ZFHX3: variants seen among roughly 807,000 people sequenced by gnomAD.
ZFHX3 encodes zinc finger homeobox protein 3.
A neutral mutation model predicts 279.1 loss-of-function variants in ZFHX3; 42 were observed. The observed-to-expected ratio is 0.15, with a 90% CI of 0.12 to 0.19. The LOEUF (loss-of-function observed/expected upper bound fraction) is 0.19. Ranked by LOEUF, ZFHX3 falls within the 10% of genes least tolerant of loss-of-function variation. The pLI, the probability that ZFHX3 is intolerant of heterozygous loss-of-function variation, is 1.00. For missense variants in ZFHX3, 4,981 were observed against 4,754.0 expected (o/e 1.05, Z -1.40); for synonymous variants, 2,293 against 1,957.8 (o/e 1.17, Z -4.52).
intron 4 of ZFHX3, 99 bp from the exon 5 acceptor site, chr16:72,829,958 C>A: frequency 8.2e-7 from 1 of 1,212,896 alleles, no homozygotes; most frequent in Non-Finnish European, 1.2e-6. Flanking sequence ...GAACAGACAC[C>A]AATGACTCGT....
At chr16:73,313,974 C>T (rs776875500) in intron 4 of ZFHX3, among the ~76,000 whole-genome samples, 4 of 152,092 alleles carry the variant, frequency 2.6e-5, no homozygotes, top group Non-Finnish European at 2.9e-5. Flanking sequence ...TGGCACACAC[C>T]TGTAGTCCCA....
At chr16:73,387,849 G>T (rs1467843199) in intron 3 of ZFHX3, among the ~76,000 whole-genome samples, 2 of 151,956 alleles carry the variant, frequency 1.3e-5, no homozygotes, top group African/African-American at 4.8e-5. Context: ...ACTTCCATAT[G>T]TCAGAGATCA....
intron 5 of ZFHX3, among the ~76,000 whole-genome samples, chr16:73,241,790 C>CAAAA (rs60214410): frequency 0.012 from 627 of 51,244 alleles, 33 homozygotes; most frequent in African/African-American, 0.047. Flanking sequence ...AACTCCGTCT[C>CAAAA]AAAAAAAAAA....
intron 7 of ZFHX3, chr16:73,127,294 A>C: frequency 7.9e-7 from 1 of 1,267,336 alleles, no homozygotes; most frequent in South Asian, 1.3e-5. Context: ...CAGGCAGAGA[A>C]GAGGGAAGAA....
chr16:72,853,103 T>C (rs1002796849), intron 4 of ZFHX3, among the ~76,000 whole-genome samples: 3 of 152,232 alleles, frequency 2.0e-5, no homozygotes, highest in Admixed American at 1.3e-4. Flanking sequence ...ACCTGAGGGA[T>C]GACAAGGTTG....
In ZFHX3 at chr16:72,787,715, C is replaced by CGCCACCGCCGCCGCCGCCGCCACT. The variant is rs750348888; in HGVS notation, c.10537_10560dup (p.Ser3513_Gly3520dup). On this transcript the variant is annotated inframe_insertion, in exon 10 of 10. Coordinates refer to ENST00000268489, the MANE Select transcript of ZFHX3 (RefSeq NM_006885.4). ...TACGAGCCGCCGCCGCCGCCGCCGC[C>CGCCACCGCCGCCGCCGCCGCCACT]GCCACCGCCGCCGCCGCCGCCACTG... 24 of 1,381,090 alleles carry CGCCACCGCCGCCGCCGCCGCCACT rather than the reference C, an allele frequency of 1.7e-5. No individual in the cohort carries two copies. The highest frequency in any genetic ancestry group is 5.9e-5 in the African/African-American group (4 of 67,364). The allele number at this position is 1,381,090 out of a possible 1,614,324, so 85.6% of individuals were successfully genotyped here.
At chr16:73,657,255 A>C (rs2052730854) in intron 2 of ZFHX3, among the ~76,000 whole-genome samples, 2 of 152,146 alleles carry the variant, frequency 1.3e-5, no homozygotes. Context: ...TTAGGAATTC[A>C]AGACCAGCCT....
chr16:73,193,040 G>C (rs1968075742), intron 5 of ZFHX3, among the ~76,000 whole-genome samples: 1 of 152,214 alleles, frequency 6.6e-6, no homozygotes. Flanking sequence ...TGCTTTGCGT[G>C]GGTTCAGGGT....
chr16:73,651,495 A>G (rs1455903299), intron 2 of ZFHX3, among the ~76,000 whole-genome samples: 3 of 152,042 alleles, frequency 2.0e-5, no homozygotes, highest in South Asian at 2.1e-4. Context: ...CAATGAAACT[A>G]CAGAATACTA....
chr16:72,930,251 T>A (rs1443052321), intron 3 of ZFHX3, among the ~76,000 whole-genome samples: 5 of 151,840 alleles, frequency 3.3e-5, no homozygotes, highest in Non-Finnish European at 1.5e-5. Context: ...AATAAAATAA[T>A]ATACTTCATA....
At chr16:73,816,332 T>C (rs554214040) in intron 1 of ZFHX3, among the ~76,000 whole-genome samples, 3 of 152,172 alleles carry the variant, frequency 2.0e-5, no homozygotes, top group Non-Finnish European at 4.4e-5. Flanking sequence ...AGGGTTAACT[T>C]TGCCATGTAT....
chr16:73,045,412 GC>G (rs1313442116), intron 1 of ZFHX3, among the ~76,000 whole-genome samples: 1 of 152,122 alleles, frequency 6.6e-6, no homozygotes, highest in Non-Finnish European at 1.5e-5. Context: ...TTGCCACTGG[GC>G]TGTCCAATTG....
At chr16:73,366,086 A>G (rs1403754915) in intron 3 of ZFHX3, among the ~76,000 whole-genome samples, 2 of 152,248 alleles carry the variant, frequency 1.3e-5, no homozygotes, top group Non-Finnish European at 2.9e-5. Context: ...ATGCAAGAAC[A>G]TTTAAATTAA....
At chr16:73,697,846 T>A (rs1176110415) in intron 1 of ZFHX3, among the ~76,000 whole-genome samples, 2 of 152,160 alleles carry the variant, frequency 1.3e-5, no homozygotes, top group African/African-American at 2.4e-5. Context: ...GGAAAACGTA[T>A]GTTTATTTCC....
chr16:73,203,530 T>A (rs2011682363), intron 5 of ZFHX3, among the ~76,000 whole-genome samples: 2 of 152,250 alleles, frequency 1.3e-5, no homozygotes, highest in African/African-American at 2.4e-5. Context: ...GGTGCATATT[T>A]GTTTCTGTTC....
chr16:73,648,604 A>C (rs529535537), intron 2 of ZFHX3, among the ~76,000 whole-genome samples: 6 of 151,928 alleles, frequency 3.9e-5, no homozygotes, highest in African/African-American at 1.4e-4. Flanking sequence ...TAGAGACTGG[A>C]TTTCACCACG....
intron 5 of ZFHX3, among the ~76,000 whole-genome samples, chr16:73,253,151 T>C (rs982535691): frequency 6.6e-6 from 1 of 152,188 alleles, no homozygotes; most frequent in Non-Finnish European, 1.5e-5. Flanking sequence ...AGGCAACGTT[T>C]GCTCAAGGAC....
chr16:73,181,718 T>A (rs553719086), intron 5 of ZFHX3, among the ~76,000 whole-genome samples: 1 of 152,258 alleles, frequency 6.6e-6, no homozygotes, highest in African/African-American at 2.4e-5. Context: ...TGGGAGATGA[T>A]CATCTATGCA....
At position 72,787,693 on chromosome 16, in the gene ZFHX3, G is replaced by C. The variant is rs781184186; in HGVS notation, c.10583C>G (p.Ser3528Trp). 6.0e-5 allele frequency: 86 copies of C among 1,438,636 alleles called. No individual in the cohort carries two copies. Among genetic ancestry groups the C allele is most frequent in the South Asian group, 1.3e-4 (7 of 55,208 alleles). The allele number at this position is 1,438,636 out of a possible 1,614,324, so 89.1% of individuals were successfully genotyped here. ...GCTCTCGCACGCCAGGCAGTGGTAC[G>C]AGCCGCCGCCGCCGCCGCCGCCGCC... ...GGGGGGGGGGSYHCLACESAL... is the reference protein window; with the variant it reads ...GGGGGGGGGGWYHCLACESAL... The change falls in exon 10 of 10, where the codon TCG becomes TGG. Residue 3528 changes from serine (S) to tryptophan (W), a missense_variant. Around this residue, in one of 7 missense-constraint regions of ZFHX3, gnomAD observed 1,034 missense variants for 786.0 expected, o/e 1.32. Coordinates refer to ENST00000268489, the MANE Select transcript of ZFHX3 (RefSeq NM_006885.4).
Sources: gnomAD v4.1 joint callset for allele counts (sites outside exome capture counted in the v4.1 genomes callset) on GRCh38, gnomAD v4.1.1 for gene constraint, gnomAD v4.1.1 regional missense constraint, MANE v1.5 for transcripts, NCBI Gene and HGNC (gene_info 2026-07-23, HGNC 2026-07-21) for gene names.